The following PCDHA8 variants were observed in gnomAD, a reference collection of about 807,000 sequenced individuals.
PCDHA8 encodes the protein protocadherin alpha-8.
Under a neutral mutation model 61.8 loss-of-function variants are expected in PCDHA8, and 53 were observed. That is an observed-to-expected ratio of 0.86 (90% CI 0.69 to 1.08). PCDHA8 has a LOEUF of 1.08. Among genes scored for constraint, PCDHA8 ranks in the 50% least tolerant of loss-of-function variants. The probability of loss-of-function intolerance (pLI) is 0.00; values close to 1 mark genes in which losing one functional copy is unlikely to be tolerated. For synonymous variants in PCDHA8, 618 were observed against 556.6 expected (o/e 1.11, Z -1.55); for missense variants, 1,293 against 1,245.0 (o/e 1.04, Z -0.58).
At chr5:140,883,003 C>A in intron 1 of PCDHA8, 5 of 1,614,050 alleles carry the variant, frequency 3.1e-6, no homozygotes, top group Non-Finnish European at 4.2e-6. Flanking sequence ...TTTACCAATC[C>A]GTTTATAAAG....
At chr5:140,861,665 C>T (rs2047014898) in intron 1 of PCDHA8, 1 of 258,604 alleles carries the variant, frequency 3.9e-6, no homozygotes, top group Admixed American at 4.5e-5. Context: ...AACGAGAGCT[C>T]TTGATTATCG....
chr5:140,875,318 C>G, intron 1 of PCDHA8: 1 of 1,427,508 alleles, frequency 7.0e-7, no homozygotes, highest in South Asian at 1.6e-5. Flanking sequence ...ACATTCCAAT[C>G]ATTCACGGAA....
chr5:140,847,902 T>G (rs753467196), intron 1 of PCDHA8: 1 of 149,888 alleles, frequency 6.7e-6, no homozygotes, highest in South Asian at 2.1e-4. Context: ...ATCAGTAGAT[T>G]TCTGGGCTCC....
chr5:140,862,874 T>G (rs2047608966), intron 1 of PCDHA8: 1 of 568,426 alleles, frequency 1.8e-6, no homozygotes, highest in South Asian at 1.4e-5. Context: ...CTGCCAGGTA[T>G]TAGTGCTGGA....
intron 1 of PCDHA8, chr5:140,883,883 G>A (rs1554180418): frequency 1.2e-6 from 2 of 1,613,320 alleles, no homozygotes; most frequent in South Asian, 1.1e-5. Flanking sequence ...GAGCGCGCGC[G>A]ACTCTGGCGT....
intron 1 of PCDHA8, among the ~76,000 whole-genome samples, chr5:140,897,824 A>G (rs1234550995): frequency 2.6e-5 from 4 of 152,016 alleles, no homozygotes; most frequent in African/African-American, 9.7e-5. Flanking sequence ...AAGTGTTCCT[A>G]TTTCTCCACA....
Position 140,850,103 on chromosome 5 carries a change from C to T in PCDHA8, c.2394+6388C>T, listed in dbSNP as rs2150467019. 4 of 1,596,104 alleles carry T rather than the reference C, an allele frequency of 2.5e-6. 1 individual carries two copies. Among genetic ancestry groups the T allele is most frequent in the African/African-American group, 1.3e-5 (1 of 74,456 alleles). On this transcript the variant is annotated intron_variant, in intron 1 of 3. Coordinates refer to ENST00000531613, the MANE Select transcript of PCDHA8 (RefSeq NM_018911.3). ...TGGAGCTGCTACAGTTCCAGGTGAGCGCGCGCGACGCGGGCGTGCCGCCTC... is the reference window on the plus strand; with the variant it reads ...TGGAGCTGCTACAGTTCCAGGTGAGTGCGCGCGACGCGGGCGTGCCGCCTC...
intron 1 of PCDHA8, among the ~76,000 whole-genome samples, chr5:140,878,533 CA>C (rs2057632489): frequency 6.6e-6 from 1 of 152,156 alleles, no homozygotes; most frequent in Admixed American, 6.5e-5. Context: ...AACTGTGGCT[CA>C]AACCAGTTTC....
chr5:140,953,837 C>T (rs1585533226), intron 1 of PCDHA8, among the ~76,000 whole-genome samples: 1 of 151,614 alleles, frequency 6.6e-6, no homozygotes, highest in African/African-American at 2.4e-5. Flanking sequence ...GGTTTGTTAC[C>T]CAGGTAAACA....
intron 1 of PCDHA8, among the ~76,000 whole-genome samples, chr5:140,976,735 T>G (rs1412647375): frequency 1.3e-5 from 2 of 152,160 alleles, no homozygotes; most frequent in Non-Finnish European, 2.9e-5. Flanking sequence ...TTAAACACAT[T>G]TTAAAAACCT....
chr5:140,968,134 G>C, intron 1 of PCDHA8: 1 of 1,614,146 alleles, frequency 6.2e-7, no homozygotes, highest in Non-Finnish European at 8.5e-7. Context: ...GTACACTGAA[G>C]GTTGAGATCT....
intron 1 of PCDHA8, among the ~76,000 whole-genome samples, chr5:140,973,235 A>C (rs1390895303): frequency 6.6e-6 from 1 of 152,218 alleles, no homozygotes; most frequent in Non-Finnish European, 1.5e-5. Context: ...GTGACCTGAA[A>C]GAGTTAATTC....
chr5:140,848,357 T>C (rs2150409370), intron 1 of PCDHA8: 16 of 1,035,266 alleles, frequency 1.5e-5, no homozygotes, highest in African/African-American at 1.1e-4. Context: ...CCTTTTCCCA[T>C]GGGAAAGAGG....
intron 1 of PCDHA8, among the ~76,000 whole-genome samples, chr5:140,903,073 T>C (rs1181656778): frequency 6.6e-6 from 1 of 152,196 alleles, no homozygotes; most frequent in Admixed American, 6.5e-5. Context: ...TTTGGGTAGA[T>C]ACCTGATAGT....
intron 1 of PCDHA8, chr5:140,968,346 C>T: frequency 6.2e-7 from 1 of 1,614,090 alleles, no homozygotes. Flanking sequence ...ATTAACAGTG[C>T]CAGTGGCAGC....
rs2150352626 is a variant in PCDHA8, at chr5:140,843,105, G to T, written c.1784G>T (p.Arg595Leu). Residue 595 changes from arginine to leucine, a missense_variant, in exon 1 of 4, where the codon CGC becomes CTC. Arg to Leu is a moderately radical substitution (Grantham distance 102). Coordinates refer to ENST00000531613, the MANE Select transcript of PCDHA8 (RefSeq NM_018911.3). ...VGAGHVVAKV[R>L]AVDADSGYNA... ...GCGGGCCACGTGGTAGCGAAGGTGC[G>T]CGCAGTGGACGCCGACTCGGGCTAC... 11 of 1,595,772 alleles carry T rather than the reference G, an allele frequency of 6.9e-6. 2 individuals carry two copies. Among genetic ancestry groups the T allele is most frequent in the Non-Finnish European group, 9.4e-6 (11 of 1,165,508 alleles).
chr5:140,943,005 C>T (rs1383622610), intron 1 of PCDHA8, among the ~76,000 whole-genome samples: 2 of 151,608 alleles, frequency 1.3e-5, no homozygotes, highest in African/African-American at 4.8e-5. Context: ...GCCTGTAATC[C>T]CAGCACTTTG....
At chr5:140,925,187 C>T (rs2082372782) in intron 1 of PCDHA8, among the ~76,000 whole-genome samples, 1 of 152,134 alleles carries the variant, frequency 6.6e-6, no homozygotes, top group Admixed American at 6.5e-5. Flanking sequence ...TGTACCATCA[C>T]CCAGCTTCAA....
chr5:140,891,694 T>A (rs1302084074), intron 1 of PCDHA8, among the ~76,000 whole-genome samples: 1 of 152,236 alleles, frequency 6.6e-6, no homozygotes, highest in East Asian at 1.9e-4. Flanking sequence ...TTCTTGCTGT[T>A]GTCTGAATTT....
Sources: allele counts gnomAD v4.1 joint callset (sites outside exome capture counted in the v4.1 genomes callset), GRCh38; gene constraint gnomAD v4.1.1; transcripts MANE v1.5; gene names NCBI Gene and HGNC (gene_info 2026-07-23, HGNC 2026-07-21).